ADCY8: variants seen among roughly 807,000 people sequenced by gnomAD.
The protein encoded by ADCY8 is adenylate cyclase type 8.
A neutral mutation model predicts 119.7 loss-of-function variants in ADCY8; 51 were observed. That is an observed-to-expected ratio of 0.43 (90% CI 0.34 to 0.54). ADCY8 has a LOEUF of 0.54. Among genes scored for constraint, ADCY8 ranks in the 20% least tolerant of loss-of-function variants. ADCY8 has a pLI of 0.03. For missense variants in ADCY8, 1,383 were observed against 1,598.8 expected, an observed-to-expected ratio of 0.87 and a Z score of 2.30; for synonymous variants, 665 against 651.0, an observed-to-expected ratio of 1.02 and a Z score of -0.33.
At chr8:130,882,012 C>G (rs772953018) in intron 8 of ADCY8, among the ~76,000 whole-genome samples, 3 of 152,014 alleles carry the variant, frequency 2.0e-5, no homozygotes, top group Non-Finnish European at 4.4e-5. Flanking sequence ...AGGGGGTTGT[C>G]CCACTAGCCC....
chr8:130,958,387 C>T (rs1014582713), intron 2 of ADCY8, among the ~76,000 whole-genome samples: 1 of 152,072 alleles, frequency 6.6e-6, no homozygotes, highest in Non-Finnish European at 1.5e-5. Flanking sequence ...GGAGACCTCC[C>T]CTTATGCCCA....
intron 2 of ADCY8, among the ~76,000 whole-genome samples, chr8:130,981,196 C>T (rs911007647): frequency 6.6e-6 from 1 of 152,154 alleles, no homozygotes; most frequent in Non-Finnish European, 1.5e-5. Context: ...GATGGTTTTA[C>T]ACCAAGATAG....
intron 1 of ADCY8, among the ~76,000 whole-genome samples, chr8:131,030,116 G>A (rs557862759): frequency 1.3e-5 from 2 of 152,266 alleles, no homozygotes; most frequent in South Asian, 4.2e-4. Context: ...AAGTGACTTT[G>A]AGCCTTGCCT....
rs117030083 is a variant in ADCY8, at chr8:130,819,913, G to A, written c.2754+1429C>T. On this transcript the variant is annotated intron_variant, in intron 13 of 17. Coordinates refer to ENST00000286355, the MANE Select transcript of ADCY8 (RefSeq NM_001115.3). Reference sequence around the variant, plus strand: ...TCCTGGGTCACTGTGTTCGTATGCAGACAGCATCTTTGTTCTGCTCTGATC... The same window carrying A: ...TCCTGGGTCACTGTGTTCGTATGCAAACAGCATCTTTGTTCTGCTCTGATC... Among the ~76,000 whole-genome samples, 27 of 152,352 alleles carry A rather than the reference G, an allele frequency of 1.8e-4. No homozygotes were observed. The East Asian group carries it at 5.2e-3, about 29-fold the overall frequency.
At chr8:130,804,286 T>C (rs1815875313) in intron 14 of ADCY8, among the ~76,000 whole-genome samples, 1 of 152,212 alleles carries the variant, frequency 6.6e-6, no homozygotes, top group Non-Finnish European at 1.5e-5. Context: ...GTTGGTGTTG[T>C]CAGAGGGCTT....
At chr8:130,935,935 T>A (rs1394704977) in intron 5 of ADCY8, among the ~76,000 whole-genome samples, 1 of 152,200 alleles carries the variant, frequency 6.6e-6, no homozygotes, top group Non-Finnish European at 1.5e-5. Context: ...GATTCCACCT[T>A]TAAAATCTCT....
intron 1 of ADCY8, among the ~76,000 whole-genome samples, chr8:131,001,001 T>G (rs1243020743): frequency 6.6e-6 from 1 of 152,108 alleles, no homozygotes; most frequent in African/African-American, 2.4e-5. Context: ...GTTAAGACGT[T>G]CATGGAGCAT....
intron 12 of ADCY8, among the ~76,000 whole-genome samples, chr8:130,824,080 G>T (rs1256907758): frequency 1.3e-5 from 2 of 152,110 alleles, no homozygotes; most frequent in Non-Finnish European, 2.9e-5. Context: ...TAGCTCATTT[G>T]TGTCAGAGCC....
At chr8:130,909,520 C>A (rs1475912722) in intron 6 of ADCY8, among the ~76,000 whole-genome samples, 188 bp downstream of exon 6, 1 of 152,148 alleles carries the variant, frequency 6.6e-6, no homozygotes, top group Admixed American at 6.5e-5. Flanking sequence ...TATTCCACAT[C>A]CTTGTTGCCT....
At chr8:131,036,617 G>C (rs376972181) in intron 1 of ADCY8, among the ~76,000 whole-genome samples, 2 of 152,100 alleles carry the variant, frequency 1.3e-5, no homozygotes, top group Non-Finnish European at 2.9e-5. Context: ...AAACAAATAA[G>C]ATAATTTCAG....
At position 131,010,555 on chromosome 8, in the gene ADCY8, C is replaced by G. The variant is rs555616609; in HGVS notation, c.961-20013G>C. 5.3e-5 allele frequency among the ~76,000 whole-genome samples: 8 copies of G among 151,830 alleles called. No individual in the cohort carries two copies. The East Asian group carries it at 1.6e-3, about 29-fold the overall frequency. On this transcript the variant is annotated intron_variant, in intron 1 of 17. Transcript: ENST00000286355. Reference sequence around the variant, plus strand: ...AAAGAGAGAGAGAAAAACAGATACACAAATAAGGGAAGAAAAATGAAGGTA... The same window carrying G: ...AAAGAGAGAGAGAAAAACAGATACAGAAATAAGGGAAGAAAAATGAAGGTA...
intron 7 of ADCY8, among the ~76,000 whole-genome samples, chr8:130,901,947 C>T (rs1447169444): frequency 1.3e-5 from 2 of 152,078 alleles, no homozygotes. Context: ...AGGAAATCAG[C>T]AAATAAATAT....
intron 5 of ADCY8, among the ~76,000 whole-genome samples, chr8:130,917,035 C>G (rs571229741): frequency 1.1e-4 from 17 of 152,296 alleles, no homozygotes; most frequent in African/African-American, 4.1e-4. Context: ...CTTCCCAATT[C>G]ATGTTCTCAT....
rs544995488 is a variant in ADCY8, at chr8:130,868,493, T to C, written c.2110-547A>G. On this transcript the variant is annotated intron_variant, in intron 8 of 17. Transcript: ENST00000286355. ...AGACCAATATGCTTGATGCCCTTCGTGTCTGCTCAAGGCAGCCCTGGGGAA... is the reference window on the plus strand; with the variant it reads ...AGACCAATATGCTTGATGCCCTTCGCGTCTGCTCAAGGCAGCCCTGGGGAA... Among the ~76,000 whole-genome samples, 3 of 152,380 alleles carry C rather than the reference T, an allele frequency of 2.0e-5. No homozygotes were observed. The South Asian group carries it at 6.2e-4, about 32-fold the overall frequency.
chr8:131,020,033 G>C (rs775849944), intron 1 of ADCY8, among the ~76,000 whole-genome samples: 2 of 152,098 alleles, frequency 1.3e-5, no homozygotes, highest in Non-Finnish European at 2.9e-5. Flanking sequence ...AACTTAGACA[G>C]CTGAGGGGTA....
At chr8:130,931,895 A>T (rs1820640605) in intron 5 of ADCY8, among the ~76,000 whole-genome samples, 1 of 151,988 alleles carries the variant, frequency 6.6e-6, no homozygotes. Context: ...GATTCCTTAA[A>T]ATAGTTATTT....
At chr8:131,001,052 T>C (rs1822930753) in intron 1 of ADCY8, among the ~76,000 whole-genome samples, 2 of 152,188 alleles carry the variant, frequency 1.3e-5, no homozygotes, top group Non-Finnish European at 2.9e-5. Flanking sequence ...AGGGCCTGTA[T>C]GTTTATCCCT....
chr8:130,865,592 T>C (rs1818087051), intron 9 of ADCY8, among the ~76,000 whole-genome samples: 2 of 152,198 alleles, frequency 1.3e-5, no homozygotes, highest in Non-Finnish European at 2.9e-5. Flanking sequence ...ATATATTTTG[T>C]TGCTCATTTT....
chr8:130,852,729 C>CT (rs961759395), intron 9 of ADCY8, among the ~76,000 whole-genome samples: 32 of 149,430 alleles, frequency 2.1e-4, no homozygotes, highest in South Asian at 4.2e-4. Context: ...TCTCTCCTGC[C>CT]TTTTTTTTTT....
Sources: gnomAD v4.1 joint callset for allele counts (sites outside exome capture counted in the v4.1 genomes callset) on GRCh38, gnomAD v4.1.1 for gene constraint, MANE v1.5 for transcripts, NCBI Gene and HGNC (gene_info 2026-07-23, HGNC 2026-07-21) for gene names.